The following DACH2 variants were observed in gnomAD, a reference collection of about 807,000 sequenced individuals.
The protein encoded by DACH2 is dachshund homolog 2.
DACH2 carries 17 observed loss-of-function variants against 35.8 expected under a neutral mutation model. The ratio of observed to expected loss-of-function variants is 0.48; its 90% CI spans 0.33 to 0.71. The LOEUF is 0.71. Ranked by LOEUF, DACH2 falls within the 30% of genes least tolerant of loss-of-function variation. The pLI, the probability that DACH2 is intolerant of heterozygous loss-of-function variation, is 0.02. For synonymous variants in DACH2, 195 were observed against 177.3 expected (o/e 1.10, Z -0.79); for missense variants, 469 against 472.7 (o/e 0.99, Z 0.07).
At chrX:86,624,371 T>TA (rs2040108780) in intron 3 of DACH2, among the ~76,000 whole-genome samples, 1 of 111,947 alleles carries the variant, frequency 8.9e-6, no homozygotes, top group African/African-American at 3.2e-5. Context: ...CATGGCAATT[T>TA]AAAAAAATGG....
chrX:86,807,805 TAAAC>T (rs1057507473), intron 7 of DACH2, among the ~76,000 whole-genome samples: 2 of 112,401 alleles, frequency 1.8e-5, no homozygotes, highest in Admixed American at 1.9e-4. Context: ...ATAATTATAT[TAAAC>T]AATGATTTGC....
At chrX:86,307,070 G>A (rs73631923) in intron 1 of DACH2, among the ~76,000 whole-genome samples, 5,895 of 111,692 alleles carry the variant, frequency 0.053, 405 homozygotes, top group African/African-American at 0.18. Flanking sequence ...AAGGCAAGGA[G>A]TTTAGTGACT....
intron 3 of DACH2, among the ~76,000 whole-genome samples, chrX:86,637,206 CAAAAAAAAAAAAAAA>C (rs772970002): frequency 0.092 from 705 of 7,693 alleles, 19 homozygotes; most frequent in African/African-American, 0.26. Context: ...ACTGAAAAGC[CAAAAAAAAAAAAAAA>C]AAAAAAAAAA....
chrX:86,546,397 T>TC lies in DACH2; in HGVS notation c.640+32007dup, dbSNP rs769337103. On this transcript the variant is annotated intron_variant, in intron 3 of 11. Coordinates refer to ENST00000373125, the MANE Select transcript of DACH2 (RefSeq NM_053281.3). Reference sequence around the variant, plus strand: ...TTCTTCTTCTTCTTCTTCTTCTTCTTCTTCTTCCTTCTTCTTCTTCTTTCT... The same window carrying TC: ...TTCTTCTTCTTCTTCTTCTTCTTCTTCCTTCTTCCTTCTTCTTCTTCTTTCT... Among the ~76,000 whole-genome samples the TC allele has an allele frequency of 2.5e-3, 201 of 82,017 alleles. 1 individual carries two copies. The highest frequency in any genetic ancestry group is 0.012 in the African/African-American group (183 of 15,517). 71.2% of individuals were successfully genotyped at this position (82,017 alleles called of 115,157 possible).
At chrX:86,290,639 A>T (rs1259027381) in intron 1 of DACH2, among the ~76,000 whole-genome samples, 2 of 107,956 alleles carry the variant, frequency 1.9e-5, no homozygotes, top group African/African-American at 6.9e-5. Flanking sequence ...CTTTCTGCAT[A>T]TGGCTAGCCA....
chrX:86,481,814 C>T (rs1485334993), intron 2 of DACH2: 2 of 111,618 alleles, frequency 1.8e-5, no homozygotes, highest in Admixed American at 9.5e-5. Flanking sequence ...ATTATGGAGC[C>T]CTTTGGGTCT....
At chrX:86,767,261 CGTT>C (rs993869708) in intron 7 of DACH2, among the ~76,000 whole-genome samples, 9 of 111,708 alleles carry the variant, frequency 8.1e-5, no homozygotes, top group Non-Finnish European at 1.5e-4. Context: ...GGGATTAACT[CGTT>C]GGCTAGAACC....
At chrX:86,528,100 G>A (rs16980584) in intron 3 of DACH2, among the ~76,000 whole-genome samples, 5,511 of 111,350 alleles carry the variant, frequency 0.049, 121 homozygotes, top group Middle Eastern at 0.1. Flanking sequence ...TCTCTACAGC[G>A]TCATGGACCT....
chrX:86,254,213 T>A (rs1214786978), intron 1 of DACH2, among the ~76,000 whole-genome samples: 1 of 111,711 alleles, frequency 9.0e-6, no homozygotes, highest in East Asian at 2.8e-4. Flanking sequence ...ATATGTTTTG[T>A]TTAGATAAAT....
At chrX:86,387,333 A>G (rs1435971636) in intron 2 of DACH2, among the ~76,000 whole-genome samples, 1 of 111,685 alleles carries the variant, frequency 9.0e-6, no homozygotes, top group Non-Finnish European at 1.9e-5. Context: ...ATAGGAAAAT[A>G]TATTATATAG....
chrX:86,284,568 T>A (rs887787630), intron 1 of DACH2, among the ~76,000 whole-genome samples: 2 of 111,569 alleles, frequency 1.8e-5, no homozygotes, highest in African/African-American at 6.5e-5. Flanking sequence ...TTTCTTTTTT[T>A]TTTATTTGTC....
At chrX:86,465,345 T>C (rs960210138) in intron 2 of DACH2, among the ~76,000 whole-genome samples, 4 of 112,099 alleles carry the variant, frequency 3.6e-5, no homozygotes, top group Non-Finnish European at 7.5e-5. Context: ...GAAAGGAGCC[T>C]GATGTGCCCA....
intron 2 of DACH2, among the ~76,000 whole-genome samples, chrX:86,469,842 TTGTGTG>T (rs59130472): frequency 1.4e-4 from 14 of 103,002 alleles, no homozygotes; most frequent in Admixed American, 3.1e-4. Context: ...CTGTGTGTGT[TTGTGTG>T]TGTGTGTGTG....
intron 3 of DACH2, among the ~76,000 whole-genome samples, chrX:86,547,524 A>AACAC (rs751559427): frequency 0.02 from 1,803 of 90,824 alleles, 15 homozygotes; most frequent in Non-Finnish European, 0.027. Flanking sequence ...CGTGCTGCAG[A>AACAC]ACACACACAC....
At chrX:86,474,124 A>G (rs1166163830) in intron 2 of DACH2, among the ~76,000 whole-genome samples, 1 of 111,772 alleles carries the variant, frequency 8.9e-6, no homozygotes, top group Non-Finnish European at 1.9e-5. Flanking sequence ...AATAATGTTG[A>G]CCACCTTTTC....
At chrX:86,765,730 G>T (rs1335753406) in intron 7 of DACH2, among the ~76,000 whole-genome samples, 1 of 42,836 alleles carries the variant, frequency 2.3e-5, no homozygotes, top group Non-Finnish European at 4.1e-5. Context: ...TTTTGCTTAG[G>T]AATGCTTTGT....
intron 1 of DACH2, chrX:86,304,839 A>G: frequency 6.9e-6 from 1 of 145,520 alleles, no homozygotes. Context: ...CAATGGTAGC[A>G]GCAGCAGCTG....
In DACH2 at chrX:86,827,806, G is replaced by A. The variant is rs753168908; in HGVS notation, c.1751-4300G>A. ...CGGAACTCCAACTGATCATAGGCAC[G>A]AATAGGGTGCTGTAGCAGTTACCTG... On this transcript the variant is annotated intron_variant, in intron 11 of 11. Coordinates refer to ENST00000373125, the MANE Select transcript of DACH2 (RefSeq NM_053281.3). The A allele has an allele frequency of 7.8e-6, 9 of 1,160,673 alleles. 1 individual carries two copies. The highest frequency in any genetic ancestry group is 3.8e-5 in the South Asian group (2 of 52,339).
chrX:86,468,833 A>G (rs2037716717), intron 2 of DACH2, among the ~76,000 whole-genome samples: 1 of 111,632 alleles, frequency 9.0e-6, no homozygotes, highest in Non-Finnish European at 1.9e-5. Context: ...CTACCATATG[A>G]TCCAACAATC....
Sources: gnomAD v4.1 joint callset for allele counts (sites outside exome capture counted in the v4.1 genomes callset) on GRCh38, gnomAD v4.1.1 for gene constraint, MANE v1.5 for transcripts, NCBI Gene and HGNC (gene_info 2026-07-23, HGNC 2026-07-21) for gene names.